UNC13C: variants seen among roughly 807,000 people sequenced by gnomAD.
UNC13C encodes protein unc-13 homolog C.
UNC13C carries 174 observed loss-of-function variants against 245.4 expected under a neutral mutation model. The observed-to-expected ratio is 0.71, with a 90% confidence interval of 0.63 to 0.80. UNC13C has a LOEUF of 0.80. Among genes scored for constraint, UNC13C ranks in the 30% least tolerant of loss-of-function variants. UNC13C has a pLI of 0.00. For missense variants in UNC13C, 2,829 were observed against 2,602.9 expected (o/e 1.09, Z -1.89); for synonymous variants, 992 against 895.1 (o/e 1.11, Z -1.93).
intron 2 of UNC13C, among the ~76,000 whole-genome samples, chr15:54,083,160 G>T (rs886157240): frequency 1.3e-5 from 2 of 152,144 alleles, no homozygotes; most frequent in Admixed American, 1.3e-4. Flanking sequence ...TAGGGAGTGG[G>T]AGTGAAGCCT....
chr15:54,210,582 CTTTATATG>C (rs910909908), intron 4 of UNC13C, among the ~76,000 whole-genome samples: 15 of 152,014 alleles, frequency 9.9e-5, no homozygotes, highest in African/African-American at 3.6e-4. Context: ...TCACATGTCT[CTTTATATG>C]TTTATATGTC....
chr15:54,256,435 CT>C (rs2036280801), intron 8 of UNC13C, among the ~76,000 whole-genome samples: 1 of 152,192 alleles, frequency 6.6e-6, no homozygotes, highest in Admixed American at 6.5e-5. Flanking sequence ...CGTGGTTTCA[CT>C]TTCCAGTTTC....
At chr15:54,581,097 A>G (rs569771465) in intron 30 of UNC13C, among the ~76,000 whole-genome samples, 1 of 152,356 alleles carries the variant, frequency 6.6e-6, no homozygotes, top group East Asian at 1.9e-4. Context: ...GCTAGATGCC[A>G]GATGAATCTA....
At position 54,609,791 on chromosome 15, in the gene UNC13C, A is replaced by C. The variant is rs148281425; in HGVS notation, c.6107-12536A>C. On this transcript the variant is annotated intron_variant, in intron 30 of 32. Transcript: ENST00000260323. ...AAGACTGGGTAATTTCTAAAGAAAA[A>C]AGGTTTAATTGACTTACAGTTCAGC... Among the ~76,000 whole-genome samples the C allele has an allele frequency of 2.7e-3, 416 of 152,300 alleles. 1 individual carries two copies. The highest frequency in any genetic ancestry group is 4.3e-3 in the Non-Finnish European group (291 of 68,022).
chr15:54,282,437 C>T (rs1440867559), intron 10 of UNC13C, among the ~76,000 whole-genome samples: 3 of 152,142 alleles, frequency 2.0e-5, no homozygotes, highest in Non-Finnish European at 4.4e-5. Flanking sequence ...ATATAGCCAG[C>T]TGCTCTGAGT....
chr15:54,290,066 C>G (rs1000809158), intron 10 of UNC13C, among the ~76,000 whole-genome samples: 1 of 152,100 alleles, frequency 6.6e-6, no homozygotes, highest in African/African-American at 2.4e-5. Context: ...CAGTTTCAAA[C>G]CCATCACAAC....
chr15:53,923,837 T>A, the UNC13C span, among the ~76,000 whole-genome samples: 2 of 152,218 alleles, frequency 1.3e-5, no homozygotes, highest in African/African-American at 4.8e-5. Flanking sequence ...CTAGAGTTAA[T>A]TCACCGCAGA....
chr15:54,100,603 G>A (rs1476834478), intron 2 of UNC13C, among the ~76,000 whole-genome samples: 1 of 150,906 alleles, frequency 6.6e-6, no homozygotes, highest in Non-Finnish European at 1.5e-5. Flanking sequence ...TGTATCTTTA[G>A]CCCAGATCTC....
At chr15:54,410,996 C>A (rs755654684) in intron 18 of UNC13C, among the ~76,000 whole-genome samples, 124 of 151,944 alleles carry the variant, frequency 8.2e-4, no homozygotes, top group Non-Finnish European at 1.6e-3. Context: ...GTTTGCTAGC[C>A]CTTAGTATTG....
intron 4 of UNC13C, among the ~76,000 whole-genome samples, chr15:54,147,012 T>C (rs2032288620): frequency 6.6e-6 from 1 of 152,152 alleles, no homozygotes; most frequent in Non-Finnish European, 1.5e-5. Context: ...AGTAGCCAGC[T>C]CTATTATCTC....
the UNC13C span, among the ~76,000 whole-genome samples, chr15:53,869,340 A>G: frequency 3.9e-5 from 6 of 152,200 alleles, no homozygotes; most frequent in Non-Finnish European, 7.3e-5. Context: ...ATACACAGGC[A>G]TATACATTCA....
At chr15:54,213,860 G>A (rs2034959533) in intron 4 of UNC13C, among the ~76,000 whole-genome samples, 1 of 152,008 alleles carries the variant, frequency 6.6e-6, no homozygotes. Flanking sequence ...ACTTTCAGAG[G>A]TGAGGGAATT....
At chr15:54,298,586 G>C (rs1049560881) in intron 12 of UNC13C, among the ~76,000 whole-genome samples, 15 of 152,078 alleles carry the variant, frequency 9.9e-5, no homozygotes, top group Non-Finnish European at 2.1e-4. Context: ...AAAAAGTAGG[G>C]CCTAGTTGGC....
intron 1 of UNC13C, among the ~76,000 whole-genome samples, chr15:53,996,063 A>G (rs1894618638): frequency 1.3e-5 from 2 of 152,212 alleles, no homozygotes; most frequent in African/African-American, 4.8e-5. Flanking sequence ...CAGTAGGGAA[A>G]AGAGACTGAA....
intron 30 of UNC13C, among the ~76,000 whole-genome samples, chr15:54,613,056 C>G (rs1409390397): frequency 1.3e-5 from 2 of 151,666 alleles, no homozygotes; most frequent in Admixed American, 6.6e-5. Context: ...CAAGAGACTT[C>G]TAAACAATTT....
intron 19 of UNC13C, among the ~76,000 whole-genome samples, chr15:54,415,902 G>A (rs1323510572): frequency 6.6e-6 from 1 of 152,134 alleles, no homozygotes; most frequent in Non-Finnish European, 1.5e-5. Context: ...GGACAAGGCA[G>A]GCTTACTATG....
chr15:54,037,488 G>A (rs1029102232), intron 2 of UNC13C, among the ~76,000 whole-genome samples: 1 of 152,280 alleles, frequency 6.6e-6, no homozygotes, highest in Admixed American at 6.5e-5. Context: ...TTTGGTAAGT[G>A]ATTACAAGGC....
chr15:54,493,845 C>A lies in UNC13C; in HGVS notation c.4934-763C>A, dbSNP rs571213084. ...GTCTCTATTCCCCAGCCCTGTATGT[C>A]CAGGTCACAATAGCTTAACAACTGT... is the stretch of plus-strand genomic sequence containing the variant. On this transcript the variant is annotated intron_variant, in intron 19 of 32. Transcript: ENST00000260323. 2.6e-5 allele frequency among the ~76,000 whole-genome samples: 4 copies of A among 152,130 alleles called. No individual in the cohort carries two copies. The South Asian group carries it at 8.3e-4, about 32-fold the overall frequency.
chr15:54,035,562 C>T (rs182861407), intron 2 of UNC13C, among the ~76,000 whole-genome samples: 15 of 152,272 alleles, frequency 9.9e-5, no homozygotes, highest in Admixed American at 9.8e-4. Context: ...TTCTTCTACT[C>T]ACTTTAAACC....
Sources: allele counts gnomAD v4.1 joint callset (sites outside exome capture counted in the v4.1 genomes callset), GRCh38; gene constraint gnomAD v4.1.1; transcripts MANE v1.5; gene names NCBI Gene and HGNC (gene_info 2026-07-23, HGNC 2026-07-21).